The following CGGBP1 variants were observed in gnomAD, a reference collection of about 807,000 sequenced individuals.
The protein encoded by CGGBP1 is CGG triplet repeat-binding protein 1.
Under a neutral mutation model 11.4 loss-of-function variants are expected in CGGBP1, and 4 were observed. The observed-to-expected ratio is 0.35, with a 90% confidence interval of 0.17 to 0.80. CGGBP1 has a LOEUF of 0.80. CGGBP1 is among the 30% of genes least tolerant of loss of function. CGGBP1 has a pLI of 0.52. For missense variants in CGGBP1, 135 were observed against 202.1 expected, an observed-to-expected ratio of 0.67 and a Z score of 2.01; for synonymous variants, 76 against 74.1, an observed-to-expected ratio of 1.03 and a Z score of -0.13.
At chr3:88,059,538 C>G, upstream of CGGBP1, 3 of 1,457,644 alleles carry the variant, frequency 2.1e-6, no homozygotes, top group Non-Finnish European at 2.7e-6. Context: ...CGACTTGTCA[C>G]CCGGGTCCTG....
intron 2 of CGGBP1, among the ~76,000 whole-genome samples, chr3:88,100,204 GC>G (rs1458432400): frequency 1.3e-5 from 2 of 152,130 alleles, no homozygotes; most frequent in Non-Finnish European, 2.9e-5. Flanking sequence ...CATTTATGCA[GC>G]CAACAGACAT....
At chr3:88,071,984 T>A (rs1707542448) in intron 2 of CGGBP1, among the ~76,000 whole-genome samples, 1 of 152,206 alleles carries the variant, frequency 6.6e-6, no homozygotes, top group South Asian at 2.1e-4. Context: ...CAGTACATAC[T>A]TTTTCTTACT....
chr3:88,139,645 C>T (rs760797846), intron 2 of CGGBP1: 2 of 1,612,524 alleles, frequency 1.2e-6, no homozygotes, highest in South Asian at 2.2e-5. Flanking sequence ...GAGCATGTGG[C>T]TGAATTCATT....
Position 88,053,742 on chromosome 3 carries a change from TG to T in CGGBP1, c.*1730del, listed in dbSNP as rs1706480822. On this transcript the variant is annotated 3_prime_UTR_variant, in exon 4 of 4. Transcript: ENST00000482016. ...TTAGATAGTTCAAATTAAACATGGT[TG>T]CCTGCAAATTCTTTTCTAGAGGAAG... is the stretch of plus-strand genomic sequence containing the variant. 4 of 152,622 alleles carry T rather than the reference TG, an allele frequency of 2.6e-5. No homozygotes were observed. 9.5% of individuals were successfully genotyped at this position (152,622 alleles called of 1,614,324 possible). A position where few individuals can be genotyped will look rare whatever the true frequency, so the allele number is the denominator to read the frequency against.
chr3:88,082,074 T>G (rs1708105027), intron 2 of CGGBP1, among the ~76,000 whole-genome samples: 1 of 152,164 alleles, frequency 6.6e-6, no homozygotes. Flanking sequence ...ACAGCCATTC[T>G]TTGACGCCCC....
At chr3:88,088,761 T>TATGG (rs931246026) in intron 2 of CGGBP1, among the ~76,000 whole-genome samples, 1,708 of 126,458 alleles carry the variant, frequency 0.014, 27 homozygotes, top group South Asian at 0.035. Flanking sequence ...TGTATGTATG[T>TATGG]ATGGATGGAT....
intron 2 of CGGBP1, among the ~76,000 whole-genome samples, chr3:88,134,730 G>C (rs961469064): frequency 6.6e-6 from 1 of 151,922 alleles, no homozygotes; most frequent in Non-Finnish European, 1.5e-5. Context: ...ATTAATTAAA[G>C]GCCAAAGTTT....
intron 1 of CGGBP1, among the ~76,000 whole-genome samples, chr3:88,145,656 A>G (rs188960497): frequency 3.4e-4 from 52 of 152,302 alleles, no homozygotes; most frequent in Non-Finnish European, 6.8e-4. Context: ...GAATCAATTG[A>G]TAAAACAGGG....
At chr3:88,140,541 C>T in intron 2 of CGGBP1, 1 of 1,613,576 alleles carries the variant, frequency 6.2e-7, no homozygotes, top group Non-Finnish European at 8.5e-7. Context: ...CTTGATAGAC[C>T]AAAAGATGCC....
At chr3:88,120,747 G>C (rs1344250235) in intron 2 of CGGBP1, among the ~76,000 whole-genome samples, 2 of 152,008 alleles carry the variant, frequency 1.3e-5, no homozygotes, top group Non-Finnish European at 1.5e-5. Flanking sequence ...TAAAACAAAA[G>C]TACATTTAAA....
chr3:88,095,597 C>T (rs1291166933), intron 2 of CGGBP1: 1 of 520,436 alleles, frequency 1.9e-6, no homozygotes, highest in Admixed American at 2.0e-5. Context: ...AATCTGTTGC[C>T]CCAATGATCT....
At chr3:88,104,848 A>AT (rs1329254381) in intron 2 of CGGBP1, among the ~76,000 whole-genome samples, 2 of 152,216 alleles carry the variant, frequency 1.3e-5, no homozygotes, top group African/African-American at 2.4e-5. Context: ...TAAAAATTAC[A>AT]TAAAATTCAT....
intron 2 of CGGBP1, among the ~76,000 whole-genome samples, chr3:88,069,597 C>T (rs1707395205): frequency 6.6e-6 from 1 of 152,180 alleles, no homozygotes; most frequent in South Asian, 2.1e-4. Context: ...TCCCCAGTGC[C>T]TTATATAATT....
chr3:88,079,130 C>T (rs1214529065), intron 2 of CGGBP1, among the ~76,000 whole-genome samples: 3 of 152,042 alleles, frequency 2.0e-5, no homozygotes, highest in African/African-American at 7.2e-5. Flanking sequence ...TTTTTGCTGA[C>T]TCAACCTAAA....
chr3:88,068,072 G>A (rs1232052284), intron 2 of CGGBP1, among the ~76,000 whole-genome samples: 2 of 152,086 alleles, frequency 1.3e-5, no homozygotes, highest in Non-Finnish European at 2.9e-5. Context: ...GGAGTTTTGT[G>A]GTAGGAGTAA....
chr3:88,057,454 C>T (rs1166258897), intron 2 of CGGBP1, 162 bp from the exon 3 acceptor site: 2 of 151,598 alleles, frequency 1.3e-5, no homozygotes, highest in Admixed American at 6.6e-5. Context: ...TACCATTACA[C>T]GTTTATACTT....
In CGGBP1 at chr3:88,114,334, C is replaced by T. The variant is rs1705264093; in HGVS notation, c.-229+26636G>A. On this transcript the variant is annotated intron_variant, in intron 2 of 3. Transcript: ENST00000462901. ...GTTGGCTGACCACTGATAATGGGAA[C>T]CACTGAAATGTTTGGAGTAGATGAG... is the stretch of plus-strand genomic sequence containing the variant. Among the ~76,000 whole-genome samples the T allele has an allele frequency of 2.6e-5, 4 of 152,084 alleles. No homozygotes were observed. The South Asian group carries it at 8.3e-4, about 32-fold the overall frequency.
intron 1 of CGGBP1, among the ~76,000 whole-genome samples, chr3:88,145,131 A>G (rs1161901134): frequency 6.6e-6 from 1 of 152,088 alleles, no homozygotes; most frequent in Non-Finnish European, 1.5e-5. Flanking sequence ...ATTACTTCCT[A>G]GGAAAGAATT....
At chr3:88,097,696 C>T (rs1433420209) in intron 2 of CGGBP1, among the ~76,000 whole-genome samples, 1 of 152,176 alleles carries the variant, frequency 6.6e-6, no homozygotes, top group Non-Finnish European at 1.5e-5. Context: ...AACCGCTCAA[C>T]TACATGGGAA....
Sources: gnomAD v4.1 joint callset for allele counts (sites outside exome capture counted in the v4.1 genomes callset) on GRCh38, gnomAD v4.1.1 for gene constraint, MANE v1.5 for transcripts, NCBI Gene and HGNC (gene_info 2026-07-23, HGNC 2026-07-21) for gene names.